Variants in NWD2 observed in about 807,000 individuals in gnomAD.
The protein encoded by NWD2 is NACHT and WD repeat domain containing 2.
Under a neutral mutation model 132.7 loss-of-function variants are expected in NWD2, and 37 were observed. The ratio of observed to expected loss-of-function variants is 0.28; its 90% CI spans 0.21 to 0.37. NWD2 has a LOEUF of 0.37. Ranked by LOEUF, NWD2 falls within the 10% of genes least tolerant of loss-of-function variation. The pLI is 1.00. For missense variants in NWD2, 1,592 were observed against 2,122.4 expected (o/e 0.75, Z 4.91); for synonymous variants, 705 against 803.0 (o/e 0.88, Z 2.06).
chr4:37,415,565 G>A lies in NWD2; in HGVS notation c.358-15007G>A, dbSNP rs572774292. Among the ~76,000 whole-genome samples the A allele has an allele frequency of 1.4e-4, 22 of 152,114 alleles. No homozygotes were observed. The East Asian group carries it at 3.3e-3, about 23-fold the overall frequency. ...TAAAAATACAAAAAATTAGCCGGGC[G>A]TGGTGGCAGGTGCCTGTAGTCCCAG... On this transcript the variant is annotated intron_variant, in intron 3 of 6. Transcript: ENST00000309447.
At chr4:37,400,602 T>C (rs1401839210) in intron 3 of NWD2, among the ~76,000 whole-genome samples, 3 of 152,234 alleles carry the variant, frequency 2.0e-5, no homozygotes, top group African/African-American at 7.2e-5. Flanking sequence ...TTTCCCTATA[T>C]GCCTGCTCTT....
At chr4:37,258,701 C>T (rs1456808744) in intron 1 of NWD2, among the ~76,000 whole-genome samples, 1 of 152,156 alleles carries the variant, frequency 6.6e-6, no homozygotes, top group African/African-American at 2.4e-5. Context: ...GCCTGGTTTC[C>T]TGAATGTAGC....
chr4:37,364,156 G>A (rs1720039606), intron 3 of NWD2, among the ~76,000 whole-genome samples: 2 of 151,984 alleles, frequency 1.3e-5, no homozygotes, highest in Non-Finnish European at 2.9e-5. Flanking sequence ...ACAAACAAAA[G>A]TAGACAACTT....
chr4:37,386,892 C>G (rs960315766), intron 3 of NWD2, among the ~76,000 whole-genome samples: 2 of 149,468 alleles, frequency 1.3e-5, no homozygotes, highest in Non-Finnish European at 2.9e-5. Context: ...TGTGTCATGT[C>G]TGTTTCCTCT....
chr4:37,405,673 A>T (rs1004189096), intron 3 of NWD2, among the ~76,000 whole-genome samples: 1 of 152,198 alleles, frequency 6.6e-6, no homozygotes, highest in African/African-American at 2.4e-5. Context: ...TGTAGGTCTC[A>T]GTCAAAAAAT....
intron 1 of NWD2, among the ~76,000 whole-genome samples, chr4:37,313,761 C>T (rs553602933): frequency 6.1e-4 from 92 of 151,056 alleles, no homozygotes; most frequent in Middle Eastern, 6.8e-3. Flanking sequence ...TGCAGTGATG[C>T]GATCTCAGCT....
rs142523381 is a variant in NWD2 at position 37,443,522 on chromosome 4, A to G, written c.1534A>G (p.Ile512Val). ...TTCACTGCAGAGACCTCTAGTCATA[A>G]TATTCGATGCACTAGAGCAGCTCTC... is the stretch of plus-strand genomic sequence containing the variant. ...ESSLQRPLVI[I>V]FDALEQLSEN... The change falls in exon 7 of 7, where the codon ATA becomes GTA. Residue 512 changes from isoleucine (I) to valine (V), a missense_variant. Transcript: ENST00000309447. This position sits in a 1 kb window ranked among gnomAD's most constrained non-coding sequence, Gnocchi z 4.1. 5.0e-3 allele frequency: 7,785 copies of G among 1,551,850 alleles called. 55 individuals are homozygous for G. Among genetic ancestry groups the G allele is most frequent in the South Asian group, 0.018 (1,473 of 84,050 alleles).
At chr4:37,431,079 G>A (rs1472919016) in intron 4 of NWD2, among the ~76,000 whole-genome samples, 2 of 152,116 alleles carry the variant, frequency 1.3e-5, no homozygotes, top group Non-Finnish European at 2.9e-5. Context: ...CTGTACATTC[G>A]GGCAGCCTCT....
At chr4:37,385,240 A>G (rs568774976) in intron 3 of NWD2, among the ~76,000 whole-genome samples, 8 of 152,262 alleles carry the variant, frequency 5.3e-5, no homozygotes, top group African/African-American at 1.7e-4. Flanking sequence ...GATATTGGGA[A>G]TTTAGGGGAT....
chr4:37,379,096 T>C (rs1720403235), intron 3 of NWD2, among the ~76,000 whole-genome samples: 1 of 152,188 alleles, frequency 6.6e-6, no homozygotes, highest in Admixed American at 6.5e-5. Context: ...CCCAAAAATC[T>C]TTCATTCTAG....
chr4:37,390,089 C>T (rs1720650101), intron 3 of NWD2, among the ~76,000 whole-genome samples: 1 of 152,140 alleles, frequency 6.6e-6, no homozygotes. Context: ...CACACCCAGC[C>T]AAATCATAAG....
intron 3 of NWD2, among the ~76,000 whole-genome samples, chr4:37,421,172 C>G (rs1012130837): frequency 3.9e-5 from 6 of 152,292 alleles, no homozygotes; most frequent in African/African-American, 1.4e-4. Context: ...AAACTCGGCT[C>G]CTTTTGTATT....
At position 37,445,784 on chromosome 4, in the gene NWD2, T is replaced by C. The variant is rs1712619274; in HGVS notation, c.3796T>C (p.Cys1266Arg). The change falls in exon 7 of 7, where the codon TGT (cysteine) becomes CGT (arginine). Residue 1266 changes from cysteine to arginine, a missense_variant. Around this residue, in one of 7 missense-constraint regions of NWD2, gnomAD observed 1,071 missense variants for 1,398.0 expected, o/e 0.77. Transcript: ENST00000309447. This position sits in a 1 kb window ranked among gnomAD's most constrained non-coding sequence, Gnocchi z 4.7. The part of the protein sequence containing the change: ...VFFWRRDTGQ[C>R]MASLQEISGS... ...TTTTTGGAGGCGGGACACAGGACAG[T>C]GTATGGCAAGCTTGCAGGAAATCTC... 1 of 1,551,646 alleles carries C rather than the reference T, an allele frequency of 6.4e-7. No homozygotes were observed. Among genetic ancestry groups the C allele is most frequent in the Non-Finnish European group, 8.7e-7 (1 of 1,146,982 alleles).
In NWD2 at chr4:37,307,009, G is replaced by A. The variant is rs1457703793; in HGVS notation, c.152-18927G>A. On this transcript the variant is annotated intron_variant, in intron 1 of 6. Coordinates refer to ENST00000309447, the MANE Select transcript of NWD2 (RefSeq NM_001144990.2). Reference sequence around the variant, plus strand: ...ACTGCACTCCAGCCTAGGCGACAGAGCGAGACTCCATCAAAAAAAAAAAAA... The same window carrying A: ...ACTGCACTCCAGCCTAGGCGACAGAACGAGACTCCATCAAAAAAAAAAAAA... 2.0e-5 allele frequency among the ~76,000 whole-genome samples: 3 copies of A among 148,946 alleles called. No homozygotes were observed. The East Asian group carries it at 5.9e-4, about 29-fold the overall frequency.
Position 37,245,181 on chromosome 4 carries a change from C to T in NWD2, c.114C>T (p.Gly38=), listed in dbSNP as rs1222913755. 2.6e-6 allele frequency: 4 copies of T among 1,544,080 alleles called. No individual in the cohort carries two copies. Among genetic ancestry groups the T allele is most frequent in the Non-Finnish European group, 3.5e-6 (4 of 1,146,120 alleles). The change falls in exon 1 of 7, where the codon GGC becomes GGT. Residue 38 remains glycine, a synonymous_variant. Coordinates refer to ENST00000309447, the MANE Select transcript of NWD2 (RefSeq NM_001144990.2). ...TALPSHLVPA[G]RSVRVFISAN... is the part of the protein sequence containing the mutation. ...TGCCCTCTCACCTCGTGCCCGCCGG[C>T]CGCAGCGTCCGGGTCTTCATCAGCG...
intron 1 of NWD2, among the ~76,000 whole-genome samples, chr4:37,312,377 T>C (rs1400855862): frequency 1.3e-5 from 2 of 150,698 alleles, no homozygotes; most frequent in South Asian, 2.1e-4. Context: ...AGGTATTTTA[T>C]TCTCTTTGAA....
chr4:37,431,862 T>C, intron 4 of NWD2, among the ~76,000 whole-genome samples: 1 of 152,186 alleles, frequency 6.6e-6, no homozygotes, highest in Non-Finnish European at 1.5e-5. Flanking sequence ...ATACCTTTTA[T>C]AAGTTCCATC....
chr4:37,388,277 A>G (rs949775421), intron 3 of NWD2, among the ~76,000 whole-genome samples: 1 of 151,972 alleles, frequency 6.6e-6, no homozygotes, highest in African/African-American at 2.4e-5. Context: ...TCCGCCTCCC[A>G]GGTTCAAGCT....
chr4:37,404,691 T>G (rs1720960056), intron 3 of NWD2, among the ~76,000 whole-genome samples: 1 of 152,234 alleles, frequency 6.6e-6, no homozygotes, highest in African/African-American at 2.4e-5. Context: ...AGAGGTTAAC[T>G]GGCTCGTGGT....
Sources: gnomAD v4.1 joint callset for allele counts (sites outside exome capture counted in the v4.1 genomes callset) on GRCh38, gnomAD v4.1.1 for gene constraint, gnomAD v4.1.1 regional missense constraint, Gnocchi (gnomAD v3.1) non-coding constraint, MANE v1.5 for transcripts, NCBI Gene and HGNC (gene_info 2026-07-23, HGNC 2026-07-21) for gene names.